Variants in FNDC3B observed in about 807,000 individuals in gnomAD.
FNDC3B encodes the protein fibronectin type III domain-containing protein 3B.
Under a neutral mutation model 151.5 loss-of-function variants are expected in FNDC3B, and 12 were observed. The ratio of observed to expected loss-of-function variants is 0.08; its 90% confidence interval spans 0.05 to 0.13. The LOEUF (loss-of-function observed/expected upper bound fraction) is 0.13, where lower values mean the gene tolerates loss of function less well. Among genes scored for constraint, FNDC3B ranks in the 10% least tolerant of loss-of-function variants. The pLI is 1.00. For synonymous variants in FNDC3B, 528 were observed against 549.0 expected (o/e 0.96, Z 0.54); for missense variants, 1,214 against 1,505.3 (o/e 0.81, Z 3.20).
chr3:172,328,897 T>C, intron 11 of FNDC3B, 55 bp from the exon 12 acceptor site: 1 of 1,363,714 alleles, frequency 7.3e-7, no homozygotes, highest in Non-Finnish European at 1.0e-6. Context: ...TATTTAGGGT[T>C]ATCTGTTGTT....
chr3:172,295,906 A>G (rs1483444268), intron 8 of FNDC3B, among the ~76,000 whole-genome samples: 1 of 152,190 alleles, frequency 6.6e-6, no homozygotes, highest in Non-Finnish European at 1.5e-5. Flanking sequence ...GTTCTACAAT[A>G]TGTTTCCTTC....
chr3:172,045,694 T>C (rs1462829563), intron 1 of FNDC3B, among the ~76,000 whole-genome samples: 4 of 152,122 alleles, frequency 2.6e-5, no homozygotes, highest in African/African-American at 9.7e-5. Context: ...AGTAAATTAA[T>C]TCTCACTCTT....
chr3:172,056,529 A>G (rs553943169), intron 1 of FNDC3B, among the ~76,000 whole-genome samples: 1 of 152,308 alleles, frequency 6.6e-6, no homozygotes, highest in Non-Finnish European at 1.5e-5. Flanking sequence ...GAAACATCTG[A>G]GTTTGGAACT....
At chr3:172,374,963 T>A (rs1289368852) in intron 23 of FNDC3B, among the ~76,000 whole-genome samples, 1 of 151,854 alleles carries the variant, frequency 6.6e-6, no homozygotes, top group African/African-American at 2.4e-5. Flanking sequence ...GAGAGTAAAA[T>A]GACATGAAAT....
At chr3:172,180,270 C>T (rs1723823833) in intron 3 of FNDC3B, among the ~76,000 whole-genome samples, 1 of 152,100 alleles carries the variant, frequency 6.6e-6, no homozygotes, top group Non-Finnish European at 1.5e-5. Context: ...AATGCAGAAT[C>T]CTGGGCCCCT....
At position 172,146,915 on chromosome 3, in the gene FNDC3B, TC is replaced by T. The variant is rs1721940543; in HGVS notation, c.187+13370del. 3.3e-5 allele frequency among the ~76,000 whole-genome samples: 5 copies of T among 152,336 alleles called. No individual in the cohort carries two copies. In the South Asian group the frequency reaches 1.0e-3, roughly 32 times the overall value. ...CTTACTTAGATGTAAACACAATAGT[TC>T]ACGTATGTTTAACGAAATTCAAAGT... On this transcript the variant is annotated intron_variant, in intron 3 of 25. Coordinates refer to ENST00000415807, the MANE Select transcript of FNDC3B (RefSeq NM_022763.4).
At chr3:172,362,888 G>A (rs750292869) in intron 23 of FNDC3B, 43 bp downstream of exon 23, 34 of 1,469,084 alleles carry the variant, frequency 2.3e-5, no homozygotes, top group Non-Finnish European at 3.1e-5. Flanking sequence ...CTGTAGCTTT[G>A]GCTTGTGGGA....
chr3:172,106,034 T>C (rs1296336316), intron 1 of FNDC3B, among the ~76,000 whole-genome samples: 1 of 152,220 alleles, frequency 6.6e-6, no homozygotes, highest in East Asian at 1.9e-4. Flanking sequence ...CAGTTAACTA[T>C]AGTGGTATGA....
intron 3 of FNDC3B, among the ~76,000 whole-genome samples, chr3:172,220,368 G>A (rs1726218921): frequency 6.6e-6 from 1 of 152,130 alleles, no homozygotes; most frequent in African/African-American, 2.4e-5. Context: ...TTTAAGTAGG[G>A]TTGTTTGTCT....
rs140967305 is a variant in FNDC3B at position 172,250,855 on chromosome 3, C to T, written c.509-405C>T. Among the ~76,000 whole-genome samples, 14 of 152,160 alleles carry T rather than the reference C, an allele frequency of 9.2e-5. 1 individual carries two copies. The East Asian group carries it at 2.5e-3, about 27-fold the overall frequency. ...TTTTTGAGACAGAGTCTTGCTCTGT[C>T]GCTCAGGCTGGAGTGCAGTGATGCA... is the stretch of plus-strand genomic sequence containing the variant. On this transcript the variant is annotated intron_variant, in intron 5 of 25. Coordinates refer to ENST00000415807, the MANE Select transcript of FNDC3B (RefSeq NM_022763.4).
chr3:172,359,241 A>G (rs1459976130), intron 22 of FNDC3B, among the ~76,000 whole-genome samples: 1 of 152,194 alleles, frequency 6.6e-6, no homozygotes, highest in Non-Finnish European at 1.5e-5. Flanking sequence ...TTAAATTCTT[A>G]TAAGTGATTT....
At chr3:172,218,731 A>G (rs1190718576) in intron 3 of FNDC3B, among the ~76,000 whole-genome samples, 1 of 152,204 alleles carries the variant, frequency 6.6e-6, no homozygotes, top group Non-Finnish European at 1.5e-5. Flanking sequence ...ATTTGCCCCA[A>G]GGTCATGCTA....
intron 6 of FNDC3B, among the ~76,000 whole-genome samples, chr3:172,265,954 A>G (rs1728904830): frequency 6.6e-6 from 1 of 152,222 alleles, no homozygotes; most frequent in Non-Finnish European, 1.5e-5. Context: ...GTTAAAAGAA[A>G]AAGATAGGGA....
intron 3 of FNDC3B, among the ~76,000 whole-genome samples, chr3:172,171,049 C>T (rs140533605): frequency 8.6e-4 from 131 of 152,298 alleles, no homozygotes; most frequent in Admixed American, 3.3e-3. Flanking sequence ...TATACAAAGG[C>T]CTTCTGTGCA....
intron 3 of FNDC3B, among the ~76,000 whole-genome samples, chr3:172,171,289 A>G (rs191836467): frequency 6.6e-6 from 1 of 152,064 alleles, no homozygotes; most frequent in Non-Finnish European, 1.5e-5. Flanking sequence ...GCATGTATTT[A>G]TCTTCTCTGA....
intron 6 of FNDC3B, among the ~76,000 whole-genome samples, chr3:172,251,882 T>C (rs1728097373): frequency 6.6e-6 from 1 of 152,220 alleles, no homozygotes; most frequent in African/African-American, 2.4e-5. Context: ...ATAATTTTTC[T>C]AAAAGTGTAG....
chr3:172,160,666 A>G (rs531017106), intron 3 of FNDC3B, among the ~76,000 whole-genome samples: 2 of 152,242 alleles, frequency 1.3e-5, no homozygotes, highest in East Asian at 1.9e-4. Flanking sequence ...AGAATAATCT[A>G]TACGTATTTT....
intron 1 of FNDC3B, among the ~76,000 whole-genome samples, chr3:172,051,606 G>T (rs76610380): frequency 6.6e-6 from 1 of 152,080 alleles, no homozygotes; most frequent in Non-Finnish European, 1.5e-5. Context: ...GGTTCAGTGT[G>T]TACTGCCCAG....
At chr3:172,327,496 G>A (rs1417807240) in intron 11 of FNDC3B, among the ~76,000 whole-genome samples, 1 of 152,154 alleles carries the variant, frequency 6.6e-6, no homozygotes, top group East Asian at 1.9e-4. Context: ...CGTCTCCCAG[G>A]TTCACGCCAT....
Sources: allele counts gnomAD v4.1 joint callset (sites outside exome capture counted in the v4.1 genomes callset), GRCh38; gene constraint gnomAD v4.1.1; transcripts MANE v1.5; gene names NCBI Gene and HGNC (gene_info 2026-07-23, HGNC 2026-07-21).